OR1B1: variants seen among roughly 807,000 people sequenced by gnomAD.
OR1B1 encodes olfactory receptor family 1 subfamily B member 1.
For missense variants in OR1B1, 414 were observed against 402.1 expected (o/e 1.03, Z -0.25); for synonymous variants, 168 against 156.2 (o/e 1.08, Z -0.57).
the OR1B1 span, among the ~76,000 whole-genome samples, chr9:122,643,893 T>A: frequency 6.6e-6 from 1 of 152,182 alleles, no homozygotes; most frequent in Non-Finnish European, 1.5e-5. Flanking sequence ...GGAAAGAACC[T>A]AGTCCTGGCA....
At chr9:122,644,944 G>T in the OR1B1 span, among the ~76,000 whole-genome samples, 49 of 152,094 alleles carry the variant, frequency 3.2e-4, no homozygotes, top group Non-Finnish European at 6.9e-4. Context: ...CATAAATAAG[G>T]CACCAGGGAC....
chr9:122,635,964 T>A, the OR1B1 span, among the ~76,000 whole-genome samples: 1 of 152,288 alleles, frequency 6.6e-6, no homozygotes, highest in East Asian at 1.9e-4. Flanking sequence ...GAGAAAATAA[T>A]GACCAAACTC....
chr9:122,632,284 GA>G (rs972120596), upstream of OR1B1, among the ~76,000 whole-genome samples: 5 of 150,312 alleles, frequency 3.3e-5, no homozygotes, highest in Admixed American at 3.3e-4. Context: ...AAGATTATAA[GA>G]AAGAAGTTAT....
the OR1B1 span, among the ~76,000 whole-genome samples, chr9:122,642,539 G>T: frequency 2.0e-5 from 3 of 152,066 alleles, no homozygotes; most frequent in African/African-American, 7.2e-5. Context: ...GGGGAGGTCA[G>T]GTACAATGCC....
At position 122,629,004 on chromosome 9, in the gene OR1B1, C is replaced by T. The variant is rs756675766; in HGVS notation, c.532G>A (p.Val178Ile). 2.0e-5 allele frequency: 32 copies of T among 1,613,794 alleles called. No homozygotes were observed. The African/African-American group carries it at 2.4e-4, about 12-fold the overall frequency. Residue 178 changes from valine (V) to isoleucine (I), a missense_variant, in exon 1 of 1, where the codon GTT becomes ATT. Val to Ile is a conservative substitution (Grantham distance 29). Coordinates refer to ENST00000623530, the Ensembl canonical transcript of OR1B1. The stretch of plus-strand genomic sequence containing the variant: ...TCACAAAAGAAGTGAGGAAGGTTAA[C>T]GTTGCCCCCAGCATCCCCAGTCCAG...
chr9:122,648,102 C>T, the OR1B1 span, among the ~76,000 whole-genome samples: 1 of 151,702 alleles, frequency 6.6e-6, no homozygotes, highest in Non-Finnish European at 1.5e-5. Context: ...AGAGATACAA[C>T]AAAAAAAGAA....
the OR1B1 span, among the ~76,000 whole-genome samples, chr9:122,644,729 A>G: frequency 6.6e-6 from 1 of 152,144 alleles, no homozygotes; most frequent in Non-Finnish European, 1.5e-5. Flanking sequence ...TTCCAAGACC[A>G]CCAAGGTGAT....
chr9:122,629,844 A>G (rs967018605), upstream of OR1B1, among the ~76,000 whole-genome samples: 4 of 152,082 alleles, frequency 2.6e-5, no homozygotes, highest in Admixed American at 6.6e-5. Context: ...TTTTCATCCA[A>G]CTATTTCTTA....
the OR1B1 span, among the ~76,000 whole-genome samples, chr9:122,653,790 T>C: frequency 6.4e-4 from 97 of 152,312 alleles, no homozygotes; most frequent in African/African-American, 2.2e-3. Context: ...TCAACCTGCT[T>C]ACACTCAAGA....
chr9:122,651,544 C>G, the OR1B1 span, among the ~76,000 whole-genome samples: 1 of 151,974 alleles, frequency 6.6e-6, no homozygotes, highest in Non-Finnish European at 1.5e-5. Context: ...TTTTTTAGGA[C>G]AAAGCTGGAG....
At chr9:122,647,571 A>T in the OR1B1 span, among the ~76,000 whole-genome samples, 1 of 152,246 alleles carries the variant, frequency 6.6e-6, no homozygotes, top group Non-Finnish European at 1.5e-5. Context: ...AAATAAATGA[A>T]CTTGAAATAA....
the OR1B1 span, among the ~76,000 whole-genome samples, chr9:122,650,381 C>T: frequency 2.6e-5 from 4 of 151,318 alleles, no homozygotes; most frequent in Admixed American, 6.6e-5. Context: ...ACATGTACCC[C>T]AGAACTTAAA....
chr9:122,633,013 T>C (rs1405572926), upstream of OR1B1, among the ~76,000 whole-genome samples: 2 of 152,042 alleles, frequency 1.3e-5, no homozygotes, highest in Non-Finnish European at 2.9e-5. Context: ...AAACTCCCCT[T>C]TATAAAACCA....
chr9:122,635,230 C>G, the OR1B1 span, among the ~76,000 whole-genome samples: 30 of 151,922 alleles, frequency 2.0e-4, no homozygotes, highest in African/African-American at 7.0e-4. Flanking sequence ...ATAAATGAAC[C>G]TGGAGGATAT....
chr9:122,629,432 G>A lies in OR1B1; in HGVS notation c.104C>T (p.Ala35Val), dbSNP rs553491342. 8.7e-6 allele frequency: 14 copies of A among 1,613,944 alleles called. No homozygotes were observed. In the South Asian group the frequency reaches 1.5e-4, roughly 18 times the overall value. The change falls in exon 1 of 1, where the codon GCT becomes GTT. Residue 35 changes from alanine (A) to valine (V), a missense_variant. Coordinates refer to ENST00000623530, the Ensembl canonical transcript of OR1B1. Reference sequence around the variant, plus strand: ...CCCCAGTATGGTGGTCAGGTAAATAGCCAGGAACAGGAAGAAGAGGAGAGT... The same window carrying A: ...CCCCAGTATGGTGGTCAGGTAAATAACCAGGAACAGGAAGAAGAGGAGAGT...
chr9:122,629,628 T>A, upstream of OR1B1: 1 of 790,362 alleles, frequency 1.3e-6, no homozygotes, highest in Non-Finnish European at 2.1e-6. Context: ...GTTAATTATA[T>A]TACGTTACTA....
the OR1B1 span, among the ~76,000 whole-genome samples, chr9:122,646,025 C>G: frequency 1.3e-5 from 2 of 151,940 alleles, no homozygotes; most frequent in African/African-American, 4.8e-5. Context: ...AGAGAAACAA[C>G]AAAAAGTTTA....
chr9:122,630,383 C>T (rs1830192440), upstream of OR1B1, among the ~76,000 whole-genome samples: 1 of 152,222 alleles, frequency 6.6e-6, no homozygotes, highest in Non-Finnish European at 1.5e-5. Flanking sequence ...TCCATCATCT[C>T]CCACATCCAA....
chr9:122,644,723 A>G, the OR1B1 span, among the ~76,000 whole-genome samples: 1 of 152,252 alleles, frequency 6.6e-6, no homozygotes, highest in South Asian at 2.1e-4. Context: ...GCTATTTTCC[A>G]AGACCACCAA....
Sources: allele counts gnomAD v4.1 joint callset (sites outside exome capture counted in the v4.1 genomes callset), GRCh38; gene constraint gnomAD v4.1.1; transcripts MANE v1.5; gene names NCBI Gene and HGNC (gene_info 2026-07-23, HGNC 2026-07-21).